The following PTPRD variants were observed in gnomAD, a reference collection of about 807,000 sequenced individuals.
PTPRD encodes receptor-type tyrosine-protein phosphatase delta.
PTPRD carries 34 observed loss-of-function variants against 214.5 expected under a neutral mutation model. That is an observed-to-expected ratio of 0.16 (90% CI 0.12 to 0.21). The LOEUF (loss-of-function observed/expected upper bound fraction) is 0.21. Ranked by LOEUF, PTPRD falls within the 10% of genes least tolerant of loss-of-function variation. The probability of loss-of-function intolerance (pLI) is 1.00; values close to 1 mark genes in which losing one functional copy is unlikely to be tolerated. For missense variants in PTPRD, 2,545 were observed against 2,398.7 expected (o/e 1.06, Z -1.27); for synonymous variants, 1,128 against 845.7 (o/e 1.33, Z -5.79).
intron 35 of PTPRD, among the ~76,000 whole-genome samples, chr9:8,432,540 A>G (rs2095124261): frequency 6.6e-6 from 1 of 152,210 alleles, no homozygotes; most frequent in Non-Finnish European, 1.5e-5. Flanking sequence ...CGTGCATCTT[A>G]CAAGTTCTGA....
chr9:9,814,898 C>A (rs1347936778), intron 5 of PTPRD, among the ~76,000 whole-genome samples: 2 of 148,572 alleles, frequency 1.3e-5, no homozygotes, highest in Non-Finnish European at 3.0e-5. Flanking sequence ...CTCCTGGGCT[C>A]AAGCGATCCT....
At chr9:10,114,856 G>T (rs538728327) in intron 3 of PTPRD, among the ~76,000 whole-genome samples, 2 of 151,992 alleles carry the variant, frequency 1.3e-5, no homozygotes, top group Admixed American at 6.6e-5. Context: ...TAGATCTCAA[G>T]TTCTACTTTA....
chr9:9,418,631 G>C (rs1386484606), intron 8 of PTPRD, among the ~76,000 whole-genome samples: 1 of 151,972 alleles, frequency 6.6e-6, no homozygotes, highest in African/African-American at 2.4e-5. Context: ...AAGTTTAAAT[G>C]AGATAGCATA....
At chr9:9,573,102 T>A (rs2154302595) in intron 8 of PTPRD, among the ~76,000 whole-genome samples, 1 of 151,808 alleles carries the variant, frequency 6.6e-6, no homozygotes, top group East Asian at 1.9e-4. Flanking sequence ...CTACTTAAGT[T>A]ACTATCAATA....
intron 12 of PTPRD, among the ~76,000 whole-genome samples, chr9:8,655,329 T>C (rs2096888142): frequency 6.6e-6 from 1 of 152,234 alleles, no homozygotes; most frequent in South Asian, 2.1e-4. Flanking sequence ...GTAGAATTCA[T>C]AGTTTGATCG....
chr9:9,885,039 T>C (rs976832826), intron 5 of PTPRD, among the ~76,000 whole-genome samples: 3 of 152,042 alleles, frequency 2.0e-5, no homozygotes, highest in Non-Finnish European at 2.9e-5. Context: ...GAGACATTTA[T>C]AGTGGCAGAA....
rs1389445070 is a variant in PTPRD, at chr9:8,486,158, T to C, written c.2659A>G (p.Lys887Glu). 1.9e-6 allele frequency: 3 copies of C among 1,614,182 alleles called. No individual in the cohort carries two copies. The highest frequency in any genetic ancestry group is 2.7e-5 in the African/African-American group (2 of 75,052). ...EDHFTATDIH[K>E]GASYVFRLSA... ...AGCCTGAAGACGTATGATGCTCCCT[T>C]GTGGATGTCTGTAGCTGTAAAGTGA... The change falls in exon 28 of 46, where the codon AAG (lysine) becomes GAG (glutamate). Residue 887 changes from lysine (K) to glutamate (E), a missense_variant. Physicochemically the swap from Lys to Glu is moderately conservative, Grantham distance 56. Coordinates refer to ENST00000381196, the MANE Select transcript of PTPRD (RefSeq NM_002839.4).
rs1481606776 is a variant in PTPRD at position 8,339,111 on chromosome 9, A to G, written c.5254-64T>C. 24 of 1,444,344 alleles carry G rather than the reference A, an allele frequency of 1.7e-5. No homozygotes were observed. In the South Asian group the frequency reaches 3.3e-4, roughly 20 times the overall value. 89.5% of individuals were successfully genotyped at this position (1,444,344 alleles called of 1,614,324 possible). ...ATAAAGAACATTCTGTATATTATCT[A>G]TCTATCTATCTAATCTATCTAATTT... On this transcript the variant is annotated intron_variant, in intron 42 of 45. Transcript: ENST00000381196.
intron 10 of PTPRD, among the ~76,000 whole-genome samples, chr9:9,042,599 T>C (rs1002065781): frequency 1.2e-3 from 103 of 85,510 alleles, no homozygotes; most frequent in African/African-American, 3.9e-3. Flanking sequence ...CCACTTAGCA[T>C]TTTTTCTTTT....
intron 7 of PTPRD, among the ~76,000 whole-genome samples, chr9:9,672,104 G>A (rs2096843069): frequency 1.3e-5 from 2 of 152,032 alleles, no homozygotes. Context: ...ACTATAGTAG[G>A]GGCAATGCAT....
chr9:8,417,333 T>A (rs934987785), intron 35 of PTPRD, among the ~76,000 whole-genome samples: 1 of 152,048 alleles, frequency 6.6e-6, no homozygotes, highest in Admixed American at 6.6e-5. Context: ...TCACACACCA[T>A]AAATTCTGCG....
intron 3 of PTPRD, among the ~76,000 whole-genome samples, chr9:10,098,391 C>T (rs1156609547): frequency 2.7e-5 from 4 of 150,798 alleles, no homozygotes; most frequent in Non-Finnish European, 4.4e-5. Context: ...ATACCTAATG[C>T]TAAATGACGA....
chr9:8,332,558 T>C (rs1255938273), intron 43 of PTPRD, among the ~76,000 whole-genome samples: 3 of 152,144 alleles, frequency 2.0e-5, no homozygotes, highest in East Asian at 1.9e-4. Flanking sequence ...AAAAGCCAGA[T>C]TGAAGAGCAG....
chr9:9,436,956 A>G (rs538684109), intron 8 of PTPRD, among the ~76,000 whole-genome samples: 3 of 152,194 alleles, frequency 2.0e-5, no homozygotes, highest in Admixed American at 6.5e-5. Flanking sequence ...ATGTCAGGAA[A>G]GCTGCTAGCC....
At chr9:8,331,482 G>A in intron 44 of PTPRD, 100 bp downstream of exon 44, 1 of 1,369,510 alleles carries the variant, frequency 7.3e-7, no homozygotes. Context: ...ACATTGCCAA[G>A]AATAAAATTT....
intron 9 of PTPRD, among the ~76,000 whole-genome samples, chr9:9,292,844 T>G (rs895206400): frequency 6.8e-6 from 1 of 147,046 alleles, no homozygotes; most frequent in Non-Finnish European, 1.5e-5. Flanking sequence ...TTTCTGAGCT[T>G]TTTTGTTTGT....
chr9:9,329,834 T>A (rs944099441), intron 9 of PTPRD, among the ~76,000 whole-genome samples: 4 of 152,216 alleles, frequency 2.6e-5, no homozygotes, highest in Admixed American at 1.3e-4. Flanking sequence ...CATTAGCTGT[T>A]AAGATTTAAA....
chr9:8,826,639 T>A (rs987289961), intron 11 of PTPRD, among the ~76,000 whole-genome samples: 4 of 151,954 alleles, frequency 2.6e-5, no homozygotes, highest in East Asian at 3.9e-4. Context: ...CATCTTTTTT[T>A]TTTTTTCTAT....
At chr9:9,739,762 G>T (rs747629263) in intron 6 of PTPRD, among the ~76,000 whole-genome samples, 4 of 151,700 alleles carry the variant, frequency 2.6e-5, no homozygotes, top group Non-Finnish European at 4.4e-5. Context: ...TATATGTGCT[G>T]GGTCCTTCCT....
Sources: allele counts gnomAD v4.1 joint callset (sites outside exome capture counted in the v4.1 genomes callset), GRCh38; gene constraint gnomAD v4.1.1; transcripts MANE v1.5; gene names NCBI Gene and HGNC (gene_info 2026-07-23, HGNC 2026-07-21).